Variants in DNAJC5G observed in about 807,000 individuals in gnomAD.
DNAJC5G encodes DnaJ heat shock protein family (Hsp40) member C5 gamma.
DNAJC5G carries 13 observed loss-of-function variants against 19.1 expected under a neutral mutation model. The observed-to-expected ratio is 0.68, with a 90% confidence interval of 0.44 to 1.08. The LOEUF (loss-of-function observed/expected upper bound fraction) is 1.08. Ranked by LOEUF, DNAJC5G falls within the 50% of genes least tolerant of loss-of-function variation. The pLI, the probability that DNAJC5G is intolerant of heterozygous loss-of-function variation, is 0.00. For missense variants in DNAJC5G, 245 were observed against 230.4 expected (o/e 1.06, Z -0.41); for synonymous variants, 81 against 84.4 (o/e 0.96, Z 0.22).
chr2:27,276,922 TC>T (rs1678113146), intron 3 of DNAJC5G, 81 bp downstream of exon 3: 73 of 641,602 alleles, frequency 1.1e-4, no homozygotes, highest in East Asian at 5.5e-4. Flanking sequence ...GCTATCTGAC[TC>T]TTTTTTTTTT....
intron 5 of DNAJC5G, among the ~76,000 whole-genome samples, chr2:27,279,046 G>A (rs1049238844): frequency 2.0e-5 from 3 of 151,400 alleles, no homozygotes; most frequent in Non-Finnish European, 2.9e-5. Context: ...GGTTGAGGGT[G>A]AGAAAGACCT....
chr2:27,276,039 C>T (rs1678044531), intron 1 of DNAJC5G, 67 bp from the exon 2 acceptor site: 1 of 152,304 alleles, frequency 6.6e-6, no homozygotes, highest in Non-Finnish European at 1.5e-5. Context: ...GGGTGGATCA[C>T]CTGAGGTCAG....
chr2:27,281,183 A>G lies in DNAJC5G; in HGVS notation c.*773A>G, dbSNP rs1678356758. ...GCCAGCTTGCCTCCATCCTTTTCACATATTATGCAGGCCAATTGACATATA... is the reference window on the plus strand; with the variant it reads ...GCCAGCTTGCCTCCATCCTTTTCACGTATTATGCAGGCCAATTGACATATA... On this transcript the variant is annotated 3_prime_UTR_variant, in exon 7 of 7. Transcript: ENST00000296097. 6.6e-6 allele frequency: 1 copy of G among 152,338 alleles called. No individual in the cohort carries two copies. The highest frequency in any genetic ancestry group is 6.5e-5 in the Admixed American group (1 of 15,282). 9.4% of individuals were successfully genotyped at this position (152,338 alleles called of 1,614,324 possible).
At chr2:27,277,732 C>T in intron 3 of DNAJC5G, 22 bp from the exon 4 acceptor site, 10 of 1,613,310 alleles carry the variant, frequency 6.2e-6, no homozygotes, top group Non-Finnish European at 8.5e-6. Flanking sequence ...CCATGTCATT[C>T]ATCGTAAGTC....
intron 1 of DNAJC5G, 116 bp from the exon 2 acceptor site, chr2:27,275,990 G>C (rs1217484551): frequency 1.3e-5 from 2 of 152,062 alleles, no homozygotes; most frequent in Non-Finnish European, 2.9e-5. Context: ...AGGCTCAATG[G>C]CTCACGCCTG....
At position 27,280,417 on chromosome 2, in the gene DNAJC5G, T is replaced by C; in HGVS notation, c.*19-12T>C. 1 of 562,950 alleles carries C rather than the reference T, an allele frequency of 1.8e-6. No homozygotes were observed. The highest frequency in any genetic ancestry group is 3.1e-5 in the East Asian group (1 of 32,432). The allele number at this position is 562,950 out of a possible 1,614,324, so 34.9% of individuals were successfully genotyped here. On this transcript the variant is annotated splice_polypyrimidine_tract_variant and intron_variant, in intron 6 of 6. Transcript: ENST00000296097. ...TTCTGATTAATAAAGCGCCACCTTC[T>C]TCCGCCACTAGGTGCTGACCCAGTG...
chr2:27,280,356 T>C, intron 6 of DNAJC5G, 73 bp from the exon 7 acceptor site: 1 of 815,348 alleles, frequency 1.2e-6, no homozygotes, highest in East Asian at 2.5e-5. Flanking sequence ...TATCCTTACA[T>C]GTAGGGGTTT....
chr2:27,275,635 G>C (rs1677992157), intron 1 of DNAJC5G, 82 bp downstream of exon 1: 1 of 200,252 alleles, frequency 5.0e-6, no homozygotes, highest in Non-Finnish European at 1.0e-5. Context: ...TGAGCTCCTT[G>C]CCTTGCTCGG....
intron 2 of DNAJC5G, 106 bp from the exon 3 acceptor site, chr2:27,276,620 A>T (rs1678090843): frequency 1.1e-6 from 1 of 886,402 alleles, no homozygotes. Context: ...GTCATCGTTT[A>T]CCTGCCTAAT....
intron 2 of DNAJC5G, 100 bp from the exon 3 acceptor site, chr2:27,276,626 C>G: frequency 2.0e-6 from 2 of 978,664 alleles, no homozygotes; most frequent in South Asian, 1.6e-5. Context: ...GTTTACCTGC[C>G]TAATCCCTGA....
In DNAJC5G at chr2:27,277,980, A is replaced by G; in HGVS notation, c.340A>G (p.Arg114Gly). The change falls in exon 4 of 7, where the codon AGA (arginine) becomes GGA (glycine). Residue 114 changes from arginine (R) to glycine (G), a missense_variant. Physicochemically the swap from Arg to Gly is moderately radical, Grantham distance 125 (BLOSUM62 -2). Transcript: ENST00000296097. ...TGATCACTTTGGTGAAGAAGGCGTC[A>G]GATACTATTTTATTCTGAATAGTTG... is the stretch of plus-strand genomic sequence containing the variant. ...LYDHFGEEGV[R>G]YYFILNSCWF... 6.2e-7 allele frequency: 1 copy of G among 1,614,238 alleles called. No homozygotes were observed. The highest frequency in any genetic ancestry group is 8.5e-7 in the Non-Finnish European group (1 of 1,180,042).
rs1313399305 is a variant in DNAJC5G, at chr2:27,280,358, T to C, written c.*19-71T>C. 5.0e-5 allele frequency: 41 copies of C among 816,932 alleles called. No individual in the cohort carries two copies. The Admixed American group carries it at 9.4e-4, about 19-fold the overall frequency. The allele number at this position is 816,932 out of a possible 1,614,324, so 50.6% of individuals were successfully genotyped here. On this transcript the variant is annotated intron_variant, in intron 6 of 6. Transcript: ENST00000296097. ...GACTATGTGTTTATATCCTTACATG[T>C]AGGGGTTTGCTTTAAGTTCTAGGTA...
rs200418887 is a variant in DNAJC5G at position 27,278,479 on chromosome 2, G to C, written c.520+147G>C. On this transcript the variant is annotated intron_variant, in intron 5 of 6. Coordinates refer to ENST00000296097, the MANE Select transcript of DNAJC5G (RefSeq NM_173650.3). ...GTGGATCACTTGAGGTCAGGAGTTG[G>C]AGACAAGCCTGGCCAACATGGTAAA... 291 of 1,246,148 alleles carry C rather than the reference G, an allele frequency of 2.3e-4. 1 individual carries two copies. The East Asian group carries it at 3.9e-3, about 17-fold the overall frequency. 77.2% of individuals were successfully genotyped at this position (1,246,148 alleles called of 1,614,324 possible). A position where few individuals can be genotyped will look rare whatever the true frequency, so the allele number is the denominator to read the frequency against.
Position 27,277,933 on chromosome 2 carries a change from G to T in DNAJC5G, c.293G>T (p.Gly98Val), listed in dbSNP as rs754717720. ...SKKRKIYDQH[G>V]SLGIYLYDHF... ...AAGCGGAAAATTTACGACCAGCATG[G>T]CTCATTGGGAATATATCTGTATGAT... Residue 98 changes from glycine (G) to valine (V), a missense_variant, in exon 4 of 7, where the codon GGC becomes GTC. Gly to Val is a moderately radical substitution (Grantham distance 109, BLOSUM62 -3). Coordinates refer to ENST00000296097, the MANE Select transcript of DNAJC5G (RefSeq NM_173650.3). 2 of 1,614,186 alleles carry T rather than the reference G, an allele frequency of 1.2e-6. No homozygotes were observed. The highest frequency in any genetic ancestry group is 1.7e-5 in the Admixed American group (1 of 60,020).
Position 27,280,445 on chromosome 2 carries a change from G to A in DNAJC5G, c.*35G>A, listed in dbSNP as rs549568752. The A allele has an allele frequency of 2.0e-6, 1 of 505,636 alleles. No individual in the cohort carries two copies. Among genetic ancestry groups the A allele is most frequent in the Non-Finnish European group, 3.6e-6 (1 of 279,052 alleles). The allele number at this position is 505,636 out of a possible 1,614,324, so 31.3% of individuals were successfully genotyped here. Reference sequence around the variant, plus strand: ...CGCCACTAGGTGCTGACCCAGTGAGGGTGCCTTCTGCTGCCCAGTCCCCTG... The same window carrying A: ...CGCCACTAGGTGCTGACCCAGTGAGAGTGCCTTCTGCTGCCCAGTCCCCTG... On this transcript the variant is annotated 3_prime_UTR_variant, in exon 7 of 7. Coordinates refer to ENST00000296097, the MANE Select transcript of DNAJC5G (RefSeq NM_173650.3).
intron 4 of DNAJC5G, 79 bp from the exon 5 acceptor site, chr2:27,278,109 C>T: frequency 1.2e-6 from 2 of 1,609,548 alleles, no homozygotes; most frequent in East Asian, 4.5e-5. Flanking sequence ...TTTCTGGGTG[C>T]CAGGAGGATT....
chr2:27,276,597 T>C, intron 2 of DNAJC5G, 129 bp from the exon 3 acceptor site: 5 of 707,450 alleles, frequency 7.1e-6, no homozygotes, highest in Non-Finnish European at 1.2e-5. Context: ...TCTTATCTTA[T>C]CCTTGTCCTT....
intron 3 of DNAJC5G, 82 bp downstream of exon 3, chr2:27,276,923 CTTTT>C (rs574019537): frequency 0.014 from 6,968 of 508,474 alleles, no homozygotes; most frequent in Middle Eastern, 0.021. Context: ...CTATCTGACT[CTTTT>C]TTTTTTTTTT....
Position 27,275,492 on chromosome 2 carries a change from T to C in DNAJC5G, c.-347T>C. The stretch of plus-strand genomic sequence containing the variant: ...GCAGTCAACTGCTGGACCCGGCCGG[T>C]GTGAAGTTTCACACCCAAAAGGATG... On this transcript the variant is annotated 5_prime_UTR_variant, in exon 1 of 7. Coordinates refer to ENST00000296097, the MANE Select transcript of DNAJC5G (RefSeq NM_173650.3). The C allele has an allele frequency of 3.0e-6, 1 of 331,430 alleles. No individual in the cohort carries two copies. The highest frequency in any genetic ancestry group is 6.0e-6 in the Non-Finnish European group (1 of 167,804). The allele number at this position is 331,430 out of a possible 1,614,324, so 20.5% of individuals were successfully genotyped here.
Sources: allele counts gnomAD v4.1 joint callset (sites outside exome capture counted in the v4.1 genomes callset), GRCh38; gene constraint gnomAD v4.1.1; transcripts MANE v1.5; gene names NCBI Gene and HGNC (gene_info 2026-07-23, HGNC 2026-07-21).